Variants in SLC6A15 observed in about 807,000 individuals in gnomAD.
SLC6A15 encodes sodium-dependent neutral amino acid transporter B(0)AT2.
SLC6A15 carries 33 observed loss-of-function variants against 68.5 expected under a neutral mutation model. That is an observed-to-expected ratio of 0.48 (90% CI 0.37 to 0.64). SLC6A15 has a LOEUF of 0.64. SLC6A15 is among the 30% of genes least tolerant of loss of function. The pLI is 0.00. For synonymous variants in SLC6A15, 347 were observed against 301.0 expected, an observed-to-expected ratio of 1.15 and a Z score of -1.58; for missense variants, 747 against 874.3, an observed-to-expected ratio of 0.85 and a Z score of 1.84.
Position 84,892,201 on chromosome 12 carries a change from G to A in SLC6A15, c.-81C>T, listed in dbSNP as rs1162284725. The A allele has an allele frequency of 2.3e-6, 3 of 1,307,888 alleles. No individual in the cohort carries two copies. Among genetic ancestry groups the A allele is most frequent in the East Asian group, 4.7e-5 (2 of 42,826 alleles). 81.0% of individuals were successfully genotyped at this position (1,307,888 alleles called of 1,614,324 possible). Reference sequence around the variant, plus strand: ...TGTTAACTCTATTTTTCAAAACAATGTTACTTGATAGGAAGTAAAGACCGA... The same window carrying A: ...TGTTAACTCTATTTTTCAAAACAATATTACTTGATAGGAAGTAAAGACCGA... On this transcript the variant is annotated 5_prime_UTR_variant, in exon 2 of 12. Transcript: ENST00000266682.
In SLC6A15 at chr12:84,876,537, T is replaced by C. The variant is rs1167219816; in HGVS notation, c.827A>G (p.Asn276Ser). The C allele has an allele frequency of 5.6e-6, 9 of 1,601,402 alleles. No homozygotes were observed. The highest frequency in any genetic ancestry group is 8.5e-7 in the Non-Finnish European group (1 of 1,174,488). The change falls in exon 6 of 12, where the codon AAT becomes AGT. Residue 276 changes from asparagine to serine, a missense_variant. Physicochemically the swap from Asn to Ser is conservative, Grantham distance 46. Coordinates refer to ENST00000266682, the MANE Select transcript of SLC6A15 (RefSeq NM_182767.6). ...ICFLIRAFLL[N>S]GSIDGIRHMF... The stretch of plus-strand genomic sequence containing the variant: ...GTGGCGAATGCCATCAATTGAACCA[T>C]TTAAAAGGAATGCTCTGATGAGGAA...
rs1214660922 is a variant in SLC6A15, at chr12:84,891,829, T to C, written c.289+3A>G. On this transcript the variant is annotated splice_donor_region_variant and intron_variant, in intron 2 of 11. Coordinates refer to ENST00000266682, the MANE Select transcript of SLC6A15 (RefSeq NM_182767.6). Reference sequence around the variant, plus strand: ...TAATTTATCACTTAAAAAGATTACTTACCGCCCCCATTCTTCTGACATAGG... The same window carrying C: ...TAATTTATCACTTAAAAAGATTACTCACCGCCCCCATTCTTCTGACATAGG... 6.2e-7 allele frequency: 1 copy of C among 1,608,306 alleles called. No homozygotes were observed. The highest frequency in any genetic ancestry group is 8.5e-7 in the Non-Finnish European group (1 of 1,176,474).
intron 7 of SLC6A15, 83 bp from the exon 8 acceptor site, chr12:84,872,877 AT>A: frequency 8.1e-7 from 1 of 1,228,126 alleles, no homozygotes; most frequent in East Asian, 2.4e-5. Flanking sequence ...TTATAAGCTA[AT>A]GAATGAGCAA....
chr12:84,874,190 G>T (rs1167095212), intron 6 of SLC6A15, among the ~76,000 whole-genome samples: 1 of 152,148 alleles, frequency 6.6e-6, no homozygotes, highest in Non-Finnish European at 1.5e-5. Context: ...GAATTCTACA[G>T]AGAGTTTCAG....
intron 5 of SLC6A15, chr12:84,881,851 A>C: frequency 1.0e-6 from 1 of 985,182 alleles, no homozygotes; most frequent in Non-Finnish European, 1.2e-6. Flanking sequence ...CAGATTGAGG[A>C]ATTGTGACAA....
intron 1 of SLC6A15, among the ~76,000 whole-genome samples, chr12:84,909,243 T>C (rs1873324641): frequency 6.6e-6 from 1 of 152,140 alleles, no homozygotes. Flanking sequence ...AAAGTATGCA[T>C]TCTATTTAAA....
intron 1 of SLC6A15, among the ~76,000 whole-genome samples, chr12:84,901,359 A>G (rs977971701): frequency 1.3e-5 from 2 of 151,684 alleles, no homozygotes; most frequent in East Asian, 3.9e-4. Flanking sequence ...GGATTTGTCC[A>G]TTTTATGTAA....
At chr12:84,869,841 T>C (rs1009271647) in intron 9 of SLC6A15, among the ~76,000 whole-genome samples, 1 of 152,320 alleles carries the variant, frequency 6.6e-6, no homozygotes, top group Admixed American at 6.5e-5. Context: ...TTATTGTTTT[T>C]GGAGAAGAGT....
intron 9 of SLC6A15, 75 bp from the exon 10 acceptor site, chr12:84,867,268 A>C (rs1871104750): frequency 8.0e-7 from 1 of 1,242,966 alleles, no homozygotes; most frequent in Non-Finnish European, 1.1e-6. Context: ...ATAAATTATT[A>C]TATTCAAACT....
In SLC6A15 at chr12:84,888,882, T is replaced by C. The variant is rs569160220; in HGVS notation, c.290-2814A>G. On this transcript the variant is annotated intron_variant, in intron 2 of 11. Coordinates refer to ENST00000266682, the MANE Select transcript of SLC6A15 (RefSeq NM_182767.6). The stretch of plus-strand genomic sequence containing the variant: ...TTTTCTTTACTCCTGTCTCCCACTC[T>C]TTTTTTGTCCCTGAAGCAAGTCACA... 5.9e-5 allele frequency among the ~76,000 whole-genome samples: 9 copies of C among 152,224 alleles called. No homozygotes were observed. In the South Asian group the frequency reaches 1.9e-3, roughly 32 times the overall value.
At chr12:84,895,599 G>A (rs996081297) in intron 1 of SLC6A15, among the ~76,000 whole-genome samples, 3 of 151,538 alleles carry the variant, frequency 2.0e-5, no homozygotes, top group African/African-American at 7.3e-5. Context: ...CACCCACCTC[G>A]GCCTCCCAAA....
intron 10 of SLC6A15, among the ~76,000 whole-genome samples, chr12:84,865,141 A>G (rs1871014122): frequency 1.3e-5 from 2 of 152,216 alleles, no homozygotes; most frequent in Non-Finnish European, 2.9e-5. Flanking sequence ...GTAGCCTAGT[A>G]AAGCTTAGAG....
At chr12:84,889,218 C>T (rs965778702) in intron 2 of SLC6A15, among the ~76,000 whole-genome samples, 3 of 152,154 alleles carry the variant, frequency 2.0e-5, no homozygotes, top group African/African-American at 4.8e-5. Flanking sequence ...TGCCTGGGCG[C>T]GGTGGCTCAT....
At chr12:84,873,413 T>C (rs1871377302) in intron 6 of SLC6A15, 85 bp from the exon 7 acceptor site, 1 of 1,436,514 alleles carries the variant, frequency 7.0e-7, no homozygotes, top group Admixed American at 2.2e-5. Context: ...GTTTATGGAG[T>C]ATACAATGAT....
chr12:84,879,610 G>A (rs999810041), intron 5 of SLC6A15, among the ~76,000 whole-genome samples: 3 of 151,748 alleles, frequency 2.0e-5, no homozygotes, highest in African/African-American at 7.3e-5. Flanking sequence ...ACAGGCGTGA[G>A]CCACCGCCTG....
At position 84,902,603 on chromosome 12, in the gene SLC6A15, C is replaced by T. The variant is rs1430242161; in HGVS notation, c.-189+9920G>A. 3.3e-5 allele frequency among the ~76,000 whole-genome samples: 5 copies of T among 151,888 alleles called. No homozygotes were observed. In the East Asian group the frequency reaches 5.8e-4, roughly 18 times the overall value. On this transcript the variant is annotated intron_variant, in intron 1 of 11. Transcript: ENST00000266682. ...AAAAAAATGGAAACTATCCAGTATG[C>T]GTTTCAATGGGTGAATGGTTAAACT...
intron 11 of SLC6A15, among the ~76,000 whole-genome samples, chr12:84,862,426 A>G (rs1243824213): frequency 2.0e-5 from 3 of 152,142 alleles, no homozygotes; most frequent in Admixed American, 6.6e-5. Context: ...AGCAATAGAT[A>G]CCTCTTAAAT....
At position 84,883,843 on chromosome 12, in the gene SLC6A15, G is replaced by A. The variant is rs142725706; in HGVS notation, c.756+16C>T. ...ATGGTGATTAGCAGAATGAGGAAGGGCTCTAACATACTAACTTTTCCAGAA... is the reference window on the plus strand; with the variant it reads ...ATGGTGATTAGCAGAATGAGGAAGGACTCTAACATACTAACTTTTCCAGAA... On this transcript the variant is annotated intron_variant, in intron 5 of 11. Coordinates refer to ENST00000266682, the MANE Select transcript of SLC6A15 (RefSeq NM_182767.6). 30 of 1,613,956 alleles carry A rather than the reference G, an allele frequency of 1.9e-5. No individual in the cohort carries two copies. The highest frequency in any genetic ancestry group is 2.4e-5 in the Non-Finnish European group (28 of 1,180,012).
intron 2 of SLC6A15, among the ~76,000 whole-genome samples, chr12:84,890,441 G>C (rs1277167129): frequency 6.6e-6 from 1 of 152,074 alleles, no homozygotes; most frequent in Non-Finnish European, 1.5e-5. Context: ...TGCTAGTCTT[G>C]GCAAATGGAA....
Sources: gnomAD v4.1 joint callset for allele counts (sites outside exome capture counted in the v4.1 genomes callset) on GRCh38, gnomAD v4.1.1 for gene constraint, MANE v1.5 for transcripts, NCBI Gene and HGNC (gene_info 2026-07-23, HGNC 2026-07-21) for gene names.